PSME3IP1: variants seen among roughly 807,000 people sequenced by gnomAD.
The protein encoded by PSME3IP1 is proteasome activator subunit 3 interacting protein 1, also known as PSME3-interacting protein.
In PSME3IP1, 13 loss-of-function variants were observed where a neutral mutation model predicts 34.1. The observed-to-expected ratio is 0.38, with a 90% CI of 0.25 to 0.61. The LOEUF (loss-of-function observed/expected upper bound fraction) is 0.61. Ranked by LOEUF, PSME3IP1 falls within the 20% of genes least tolerant of loss-of-function variation. The pLI, the probability that PSME3IP1 is intolerant of heterozygous loss-of-function variation, is 0.60. For synonymous variants in PSME3IP1, 93 were observed against 114.3 expected (o/e 0.81, Z 1.19); for missense variants, 237 against 301.4 (o/e 0.79, Z 1.58).
Position 57,185,865 on chromosome 16 carries a change from C to T in PSME3IP1, c.-60G>A. On this transcript the variant is annotated 5_prime_UTR_variant, in exon 1 of 7. Transcript: ENST00000309137. Reference sequence around the variant, plus strand: ...GAGACGACCTCACCTCGGCGGCGCCCACCCCAAACCGCCACCGCAGAGCCG... The same window carrying T: ...GAGACGACCTCACCTCGGCGGCGCCTACCCCAAACCGCCACCGCAGAGCCG... 1.0e-6 allele frequency: 1 copy of T among 984,664 alleles called. No homozygotes were observed. The highest frequency in any genetic ancestry group is 1.2e-6 in the Non-Finnish European group (1 of 829,840). 61.0% of individuals were successfully genotyped at this position (984,664 alleles called of 1,614,324 possible).
rs1410658248 is a variant in PSME3IP1, at chr16:57,185,311, T to A, written c.-16+510A>T. Reference sequence around the variant, plus strand: ...TCAAGCATGACGCTTCAACTCTCTTTGTTTCTTAAGTTTTCTGCAAAACGG... The same window carrying A: ...TCAAGCATGACGCTTCAACTCTCTTAGTTTCTTAAGTTTTCTGCAAAACGG... On this transcript the variant is annotated intron_variant, in intron 1 of 6. Coordinates refer to ENST00000309137, the MANE Select transcript of PSME3IP1 (RefSeq NM_024946.4). Among the ~76,000 whole-genome samples, 7 of 152,226 alleles carry A rather than the reference T, an allele frequency of 4.6e-5. No individual in the cohort carries two copies. The South Asian group carries it at 1.2e-3, about 27-fold the overall frequency.
At chr16:57,169,312 C>T (rs1597677709) in intron 4 of PSME3IP1, among the ~76,000 whole-genome samples, 1 of 152,290 alleles carries the variant, frequency 6.6e-6, no homozygotes, top group Admixed American at 6.5e-5. Flanking sequence ...ATGGTTTAAA[C>T]CACAGCTTAT....
At chr16:57,182,181 T>C (rs770809461) in intron 1 of PSME3IP1, among the ~76,000 whole-genome samples, 1 of 152,132 alleles carries the variant, frequency 6.6e-6, no homozygotes, top group Non-Finnish European at 1.5e-5. Context: ...TCAAGGATTA[T>C]AGGAGTCATA....
chr16:57,155,212 G>A (rs527588239), intron 6 of PSME3IP1, among the ~76,000 whole-genome samples: 1 of 152,298 alleles, frequency 6.6e-6, no homozygotes, highest in Admixed American at 6.5e-5. Context: ...GAAAACTGAA[G>A]CCTGTCAGGT....
At chr16:57,181,471 C>T (rs1322607698) in intron 1 of PSME3IP1, 2 of 152,196 alleles carry the variant, frequency 1.3e-5, no homozygotes, top group Non-Finnish European at 2.9e-5. Flanking sequence ...TATGTCCCCA[C>T]ACACCAAGCA....
At position 57,154,280 on chromosome 16, in the gene PSME3IP1, G is replaced by C. The variant is rs1331529989; in HGVS notation, c.*10C>G. ...CTTGGGGAGGAGCTCCCTGTGTAGGGACGGAGAAACTAGGGGGCCTCGAGG... is the reference window on the plus strand; with the variant it reads ...CTTGGGGAGGAGCTCCCTGTGTAGGCACGGAGAAACTAGGGGGCCTCGAGG... On this transcript the variant is annotated 3_prime_UTR_variant, in exon 7 of 7. Transcript: ENST00000309137. The surrounding 1 kb of genome is among the most constrained non-coding windows in gnomAD (Gnocchi z 4.0). The C allele has an allele frequency of 8.1e-6, 13 of 1,612,774 alleles. No homozygotes were observed. Among genetic ancestry groups the C allele is most frequent in the Non-Finnish European group, 1.1e-5 (13 of 1,179,194 alleles).
At chr16:57,175,784 G>A (rs887612932) in intron 1 of PSME3IP1, 1 of 152,164 alleles carries the variant, frequency 6.6e-6, no homozygotes, top group Admixed American at 6.5e-5. Flanking sequence ...ACAAAGACAT[G>A]TCGACTTCAG....
intron 5 of PSME3IP1, among the ~76,000 whole-genome samples, chr16:57,166,630 C>T (rs2071903355): frequency 6.6e-6 from 1 of 152,170 alleles, no homozygotes; most frequent in South Asian, 2.1e-4. Flanking sequence ...TCTCAGTACA[C>T]CCTACACAGA....
At chr16:57,179,664 C>A (rs1479357301) in intron 1 of PSME3IP1, among the ~76,000 whole-genome samples, 1 of 152,200 alleles carries the variant, frequency 6.6e-6, no homozygotes, top group Non-Finnish European at 1.5e-5. Context: ...ACATCACTGG[C>A]CACCATATCC....
chr16:57,177,185 T>C (rs533292253), intron 1 of PSME3IP1, among the ~76,000 whole-genome samples: 1 of 151,966 alleles, frequency 6.6e-6, no homozygotes, highest in South Asian at 2.1e-4. Flanking sequence ...TTTAAAAATC[T>C]TCCAATATGC....
In PSME3IP1 at chr16:57,185,619, C is replaced by A; in HGVS notation, c.-16+202G>T. On this transcript the variant is annotated intron_variant, in intron 1 of 6. Coordinates refer to ENST00000309137, the MANE Select transcript of PSME3IP1 (RefSeq NM_024946.4). ...CGCCTGAAAGGGTCCTCGCCGCGAC[C>A]CAGATGCCTTCCCGCGGGCACCCTC... The A allele has an allele frequency of 2.0e-6, 2 of 985,506 alleles. 1 individual carries two copies. Among genetic ancestry groups the A allele is most frequent in the South Asian group, 9.4e-5 (2 of 21,290 alleles). 61.0% of individuals were successfully genotyped at this position (985,506 alleles called of 1,614,324 possible).
In PSME3IP1 at chr16:57,172,135, G is replaced by A. The variant is rs548164531; in HGVS notation, c.348+116C>T. ...ATTACAGGAATATCAGTGTTCAAAG[G>A]GACTTGAGAGATCACCAGGTAGAAA... is the stretch of plus-strand genomic sequence containing the variant. On this transcript the variant is annotated intron_variant, in intron 4 of 6. Coordinates refer to ENST00000309137, the MANE Select transcript of PSME3IP1 (RefSeq NM_024946.4). 4.6e-6 allele frequency: 5 copies of A among 1,083,374 alleles called. No homozygotes were observed. The Admixed American group carries it at 1.0e-4, about 22-fold the overall frequency. 67.1% of individuals were successfully genotyped at this position (1,083,374 alleles called of 1,614,324 possible).
At chr16:57,164,551 G>T (rs185403631) in intron 5 of PSME3IP1, among the ~76,000 whole-genome samples, 1 of 152,286 alleles carries the variant, frequency 6.6e-6, no homozygotes, top group Admixed American at 6.5e-5. Context: ...CAGAAGGAAG[G>T]GGTGGTGAAC....
At chr16:57,169,421 A>G (rs2072298648) in intron 4 of PSME3IP1, among the ~76,000 whole-genome samples, 1 of 152,196 alleles carries the variant, frequency 6.6e-6, no homozygotes, top group South Asian at 2.1e-4. Context: ...CAAATGTCTA[A>G]TCCTTCAATT....
intron 4 of PSME3IP1, among the ~76,000 whole-genome samples, chr16:57,170,827 C>T (rs1383340088): frequency 6.6e-6 from 1 of 152,188 alleles, no homozygotes; most frequent in Non-Finnish European, 1.5e-5. Context: ...AATCCCTGCA[C>T]TTTGGGATGC....
intron 5 of PSME3IP1, among the ~76,000 whole-genome samples, chr16:57,165,032 A>G (rs2071693248): frequency 6.6e-6 from 1 of 151,876 alleles, no homozygotes; most frequent in Non-Finnish European, 1.5e-5. Flanking sequence ...GCTCAAAAAA[A>G]AAAAAAGAAA....
rs532194067 is a variant in PSME3IP1 at position 57,177,871 on chromosome 16, G to T, written c.-15-4002C>A. 3.3e-5 allele frequency among the ~76,000 whole-genome samples: 5 copies of T among 152,248 alleles called. No homozygotes were observed. The South Asian group carries it at 1.0e-3, about 32-fold the overall frequency. On this transcript the variant is annotated intron_variant, in intron 1 of 6. Transcript: ENST00000309137. ...CCAGGCATGGTGATGTGTGCCTGTAGTCCCAGCTACTCACAGGCTGAGGTG... is the reference window on the plus strand; with the variant it reads ...CCAGGCATGGTGATGTGTGCCTGTATTCCCAGCTACTCACAGGCTGAGGTG...
chr16:57,178,267 C>T (rs1290933062), intron 1 of PSME3IP1, among the ~76,000 whole-genome samples: 1 of 152,200 alleles, frequency 6.6e-6, no homozygotes, highest in Admixed American at 6.5e-5. Context: ...ACTGCTGCTC[C>T]AACCGCCCAG....
intron 6 of PSME3IP1, among the ~76,000 whole-genome samples, chr16:57,161,841 T>C (rs1196933431): frequency 6.6e-6 from 1 of 152,184 alleles, no homozygotes; most frequent in East Asian, 1.9e-4. Flanking sequence ...GAAAAAACTT[T>C]TTTGAGACAA....
Sources: gnomAD v4.1 joint callset for allele counts (sites outside exome capture counted in the v4.1 genomes callset) on GRCh38, gnomAD v4.1.1 for gene constraint, Gnocchi (gnomAD v3.1) non-coding constraint, MANE v1.5 for transcripts, NCBI Gene and HGNC (gene_info 2026-07-23, HGNC 2026-07-21) for gene names.